The following HMGA2 variants were observed in gnomAD, a reference collection of about 807,000 sequenced individuals.
HMGA2 encodes high mobility group protein HMGI-C.
In HMGA2, 8 loss-of-function variants were observed where a neutral mutation model predicts 19.1. The ratio of observed to expected loss-of-function variants is 0.42; its 90% CI spans 0.25 to 0.76. HMGA2 has a LOEUF of 0.76. Among genes scored for constraint, HMGA2 ranks in the 30% least tolerant of loss-of-function variants. The pLI is 0.28. For missense variants in HMGA2, 109 were observed against 136.3 expected, an observed-to-expected ratio of 0.80 and a Z score of 1.00; for synonymous variants, 60 against 48.8, an observed-to-expected ratio of 1.23 and a Z score of -0.96.
rs1360682755 is a variant in HMGA2, at chr12:65,965,756, C to T, written c.*2464C>T. ...CAAACATGGTGCACCGAGTGATTTC[C>T]ATCTCTGGTAAAGTTACACTTTTAT... On this transcript the variant is annotated 3_prime_UTR_variant, in exon 5 of 5. Transcript: ENST00000403681. 1 of 221,918 alleles carries T rather than the reference C, an allele frequency of 4.5e-6. No individual in the cohort carries two copies. 13.7% of individuals were successfully genotyped at this position (221,918 alleles called of 1,614,324 possible).
intron 3 of HMGA2, among the ~76,000 whole-genome samples, chr12:65,946,676 C>T (rs1182277500): frequency 6.6e-6 from 1 of 152,138 alleles, no homozygotes; most frequent in Non-Finnish European, 1.5e-5. Flanking sequence ...ACCTAGACTT[C>T]CTGGAACCAT....
rs1055594160 is a variant in HMGA2 at position 65,825,080 on chromosome 12, C to G, written c.-191C>G. 9.8e-6 allele frequency: 5 copies of G among 509,042 alleles called. No homozygotes were observed. The highest frequency in any genetic ancestry group is 1.7e-5 in the Non-Finnish European group (5 of 289,888). The allele number at this position is 509,042 out of a possible 1,614,324, so 31.5% of individuals were successfully genotyped here. The stretch of plus-strand genomic sequence containing the variant: ...TCCTCCCCTCTTCTCTTTTTGGCAG[C>G]CGCTGGACGTCCGGTGTTGATGGTG... On this transcript the variant is annotated 5_prime_UTR_variant, in exon 1 of 5. Coordinates refer to ENST00000403681, the MANE Select transcript of HMGA2 (RefSeq NM_003483.6). This position sits in a 1 kb window ranked among gnomAD's most constrained non-coding sequence, Gnocchi z 4.4.
At chr12:65,841,386 G>A (rs1290424717) in intron 3 of HMGA2, among the ~76,000 whole-genome samples, 1 of 152,204 alleles carries the variant, frequency 6.6e-6, no homozygotes, top group Non-Finnish European at 1.5e-5. Flanking sequence ...GGTCCCCAAA[G>A]AAGAGTTGTT....
intron 3 of HMGA2, among the ~76,000 whole-genome samples, chr12:65,922,684 A>G (rs1875358184): frequency 6.6e-6 from 1 of 151,676 alleles, no homozygotes; most frequent in Non-Finnish European, 1.5e-5. Context: ...ATGTGTAGAT[A>G]TGAGATTTGG....
At chr12:65,836,364 G>GAA (rs58470265) in intron 2 of HMGA2, among the ~76,000 whole-genome samples, 1 of 104,780 alleles carries the variant, frequency 9.5e-6, no homozygotes. Flanking sequence ...GTCTCAAAAA[G>GAA]AAAAAAAAAA....
intron 3 of HMGA2, among the ~76,000 whole-genome samples, chr12:65,896,601 T>C (rs1000378206): frequency 6.6e-5 from 10 of 152,260 alleles, no homozygotes; most frequent in African/African-American, 2.2e-4. Flanking sequence ...TGTGTGCGTG[T>C]GCAGCATGGC....
At position 65,966,073 on chromosome 12, in the gene HMGA2, TC is replaced by T. The variant is rs1876900966; in HGVS notation, c.*2783del. 4.6e-6 allele frequency: 1 copy of T among 218,308 alleles called. No homozygotes were observed. Among genetic ancestry groups the T allele is most frequent in the African/African-American group, 2.2e-5 (1 of 44,508 alleles). The allele number at this position is 218,308 out of a possible 1,614,324, so 13.5% of individuals were successfully genotyped here. A position where few individuals can be genotyped will look rare whatever the true frequency, so the allele number is the denominator to read the frequency against. On this transcript the variant is annotated 3_prime_UTR_variant, in exon 5 of 5. Coordinates refer to ENST00000403681, the MANE Select transcript of HMGA2 (RefSeq NM_003483.6). Reference sequence around the variant, plus strand: ...TAACTGCAGTTGACTTTCTCCCTGTTCCTTTGAGTGTCTTCTAACTTTATTC... The same window carrying T: ...TAACTGCAGTTGACTTTCTCCCTGTTCTTTGAGTGTCTTCTAACTTTATTC...
At chr12:65,886,767 C>A (rs1873676410) in intron 3 of HMGA2, among the ~76,000 whole-genome samples, 1 of 152,154 alleles carries the variant, frequency 6.6e-6, no homozygotes, top group African/African-American at 2.4e-5. Context: ...CCAGGCCAGA[C>A]CATTGACTTC....
rs1407130586 is a variant in HMGA2 at position 65,963,247 on chromosome 12, G to A, written c.285G>A (p.Glu95=). The change falls in exon 5 of 5, where the codon GAG becomes GAA. Residue 95 remains glutamate, a splice_region_variant and synonymous_variant. Transcript: ENST00000403681. Reference sequence around the variant, plus strand: ...GCTGTGCCCTTTGTGTGTTCCAGGAGGAAACTGAAGAGACATCCTCACAAG... The same window carrying A: ...GCTGTGCCCTTTGTGTGTTCCAGGAAGAAACTGAAGAGACATCCTCACAAG... ...QQVVQKKPAQ[E]ETEETSSQES... is the part of the protein sequence containing the mutation. The A allele has an allele frequency of 4.3e-6, 7 of 1,613,626 alleles. No individual in the cohort carries two copies. Among genetic ancestry groups the A allele is most frequent in the Non-Finnish European group, 5.9e-6 (7 of 1,179,814 alleles).
intron 1 of HMGA2, chr12:65,826,230 G>T (rs1318894722): frequency 2.0e-5 from 3 of 152,370 alleles, no homozygotes; most frequent in South Asian, 2.1e-4. Context: ...AGTGGCCGGG[G>T]GTTGAGTAGG....
Position 65,838,998 on chromosome 12 carries a change from C to CTTTTTTTTTTTTTTTTTTTTTTTTT in HMGA2, c.249+441_249+442insTTTTTTTTTTTTTTTTTTTTTTTTT. Among the ~76,000 whole-genome samples, 220 of 106,980 alleles carry CTTTTTTTTTTTTTTTTTTTTTTTTT rather than the reference C, an allele frequency of 2.1e-3. 7 individuals are homozygous for CTTTTTTTTTTTTTTTTTTTTTTTTT. The highest frequency in any genetic ancestry group is 6.4e-3 in the African/African-American group (120 of 18,678). The allele number at this position is 106,980 out of a possible 152,430, so 70.2% of individuals were successfully genotyped here. A position where few individuals can be genotyped will look rare whatever the true frequency, so the allele number is the denominator to read the frequency against. ...TTTCTTTTTCTTTCTTTTTCTTTTT[C>CTTTTTTTTTTTTTTTTTTTTTTTTT]TTTTTTTTTTTTGGTTTTCTCCATG... is the stretch of plus-strand genomic sequence containing the variant. On this transcript the variant is annotated intron_variant, in intron 3 of 4. Transcript: ENST00000403681.
intron 3 of HMGA2, among the ~76,000 whole-genome samples, chr12:65,838,998 CT>C: frequency 0.026 from 2,758 of 107,074 alleles, 185 homozygotes; most frequent in African/African-American, 0.12. Context: ...TTTTCTTTTT[CT>C]TTTTTTTTTT....
At chr12:65,830,344 A>G (rs1226089239) in intron 2 of HMGA2, among the ~76,000 whole-genome samples, 1 of 151,972 alleles carries the variant, frequency 6.6e-6, no homozygotes, top group Non-Finnish European at 1.5e-5. Context: ...AACAAAACAT[A>G]TATGTTCGTC....
intron 3 of HMGA2, chr12:65,881,752 A>C: frequency 1.4e-6 from 1 of 703,058 alleles, no homozygotes; most frequent in South Asian, 1.5e-5. Flanking sequence ...GTGGTTGCTA[A>C]TGAAGAGCCC....
In HMGA2 at chr12:65,828,046, A is replaced by C; in HGVS notation, c.157A>C (p.Lys53Gln). Residue 53 changes from lysine (K) to glutamine (Q), a missense_variant, in exon 2 of 5, where the codon AAA becomes CAA. By Grantham distance (53) the Lys-to-Gln change is moderately conservative. Coordinates refer to ENST00000403681, the MANE Select transcript of HMGA2 (RefSeq NM_003483.6). ...TCCTAAGAGACCCAGGGGAAGACCCAAAGGCAGCAAAAACAAGAGTCCCTC... is the reference window on the plus strand; with the variant it reads ...TCCTAAGAGACCCAGGGGAAGACCCCAAGGCAGCAAAAACAAGAGTCCCTC... ...PSPKRPRGRP[K>Q]GSKNKSPSKA... The C allele has an allele frequency of 6.2e-7, 1 of 1,613,900 alleles. No homozygotes were observed. The highest frequency in any genetic ancestry group is 1.1e-5 in the South Asian group (1 of 91,064).
intron 2 of HMGA2, among the ~76,000 whole-genome samples, chr12:65,831,977 A>G (rs1870499339): frequency 6.6e-6 from 1 of 151,958 alleles, no homozygotes; most frequent in Admixed American, 6.5e-5. Flanking sequence ...ACTATGATTT[A>G]GTTTAATTCC....
chr12:65,841,430 A>G (rs1468007491), intron 3 of HMGA2, among the ~76,000 whole-genome samples: 2 of 152,128 alleles, frequency 1.3e-5, no homozygotes, highest in Non-Finnish European at 2.9e-5. Context: ...GAAATTGTAT[A>G]TTTTTTCTAG....
intron 3 of HMGA2, among the ~76,000 whole-genome samples, chr12:65,892,676 G>A (rs1016543484): frequency 6.6e-6 from 1 of 152,084 alleles, no homozygotes; most frequent in African/African-American, 2.4e-5. Context: ...TCTGATCCAT[G>A]GGAATGGGGT....
intron 3 of HMGA2, among the ~76,000 whole-genome samples, chr12:65,865,164 G>C (rs1324893526): frequency 6.6e-6 from 1 of 152,206 alleles, no homozygotes; most frequent in Non-Finnish European, 1.5e-5. Flanking sequence ...TAAGGATGCA[G>C]TATATAATAA....
Sources: allele counts gnomAD v4.1 joint callset (sites outside exome capture counted in the v4.1 genomes callset), GRCh38; gene constraint gnomAD v4.1.1; non-coding constraint Gnocchi (gnomAD v3.1); transcripts MANE v1.5; gene names NCBI Gene and HGNC (gene_info 2026-07-23, HGNC 2026-07-21).